Variants in SWT1 observed in about 807,000 individuals in gnomAD.
The protein encoded by SWT1 is transcriptional protein SWT1.
SWT1 carries 33 observed loss-of-function variants against 107.3 expected under a neutral mutation model. That is an observed-to-expected ratio of 0.31 (90% CI 0.23 to 0.41). The LOEUF is 0.41. Among genes scored for constraint, SWT1 ranks in the 10% least tolerant of loss-of-function variants. The pLI is 1.00. For missense variants in SWT1, 898 were observed against 1,028.9 expected (o/e 0.87, Z 1.74); for synonymous variants, 345 against 348.3 (o/e 0.99, Z 0.11).
chr1:185,192,499 G>A (rs1056661373), intron 10 of SWT1, among the ~76,000 whole-genome samples: 14 of 152,072 alleles, frequency 9.2e-5, no homozygotes. Context: ...GCCCAGGCTG[G>A]TCTCAAACTC....
chr1:185,214,776 G>T, intron 14 of SWT1, 121 bp downstream of exon 14: 2 of 779,244 alleles, frequency 2.6e-6, no homozygotes, highest in Non-Finnish European at 1.9e-6. Flanking sequence ...TACTAAAGGC[G>T]TTAAGTAAAT....
intron 16 of SWT1, among the ~76,000 whole-genome samples, chr1:185,252,410 T>G (rs1020158442): frequency 8.8e-4 from 134 of 152,150 alleles, no homozygotes; most frequent in Non-Finnish European, 1.6e-3. Context: ...AGTGTAAAAG[T>G]GTTCCTATTT....
intron 15 of SWT1, among the ~76,000 whole-genome samples, chr1:185,223,834 G>A (rs1659855565): frequency 1.3e-5 from 2 of 152,000 alleles, no homozygotes; most frequent in South Asian, 2.1e-4. Flanking sequence ...AGTGTTCATT[G>A]CTCCCCTCCA....
chr1:185,202,661 A>G lies in SWT1; in HGVS notation c.1531A>G (p.Arg511Gly). The part of the protein sequence containing the change: ...CSFVILCTDD[R>G]NLRNKGLISG... ...CCAACCTCCCAACCTTAGGGATGAT[A>G]GAAACTTAAGAAACAAAGGCCTAAT... Residue 511 changes from arginine to glycine, a missense_variant, in exon 11 of 19, where the codon AGA becomes GGA. By Grantham distance (125) the Arg-to-Gly change is moderately radical. Coordinates refer to ENST00000367500, the MANE Select transcript of SWT1 (RefSeq NM_017673.7). The G allele has an allele frequency of 6.2e-7, 1 of 1,606,212 alleles. No individual in the cohort carries two copies. Among genetic ancestry groups the G allele is most frequent in the Non-Finnish European group, 8.5e-7 (1 of 1,176,872 alleles).
At chr1:185,176,286 CAAAAAAAAAAAA>C (rs71101962) in intron 5 of SWT1, among the ~76,000 whole-genome samples, 31 of 47,302 alleles carry the variant, frequency 6.6e-4, no homozygotes, top group Non-Finnish European at 3.9e-4. Flanking sequence ...ACCTTGTCTC[CAAAAAAAAAAAA>C]AAAAAAAAAA....
chr1:185,187,112 G>A (rs2102396709), intron 9 of SWT1, among the ~76,000 whole-genome samples: 1 of 149,430 alleles, frequency 6.7e-6, no homozygotes, highest in East Asian at 2.0e-4. Flanking sequence ...GAGTGCAATG[G>A]TGTAATCTTA....
At chr1:185,258,224 C>T (rs1391698154) in intron 16 of SWT1, among the ~76,000 whole-genome samples, 1 of 152,142 alleles carries the variant, frequency 6.6e-6, no homozygotes, top group Non-Finnish European at 1.5e-5. Context: ...CAGTATTATT[C>T]AGATCCTGAA....
chr1:185,187,124 C>T (rs1361862060), intron 9 of SWT1, among the ~76,000 whole-genome samples: 2 of 147,914 alleles, frequency 1.4e-5, no homozygotes, highest in Non-Finnish European at 3.0e-5. Context: ...GTAATCTTAG[C>T]TCACTGCAAC....
chr1:185,271,391 T>A lies in SWT1; in HGVS notation c.2508+2T>A. 7.2e-7 allele frequency: 1 copy of A among 1,392,542 alleles called. No individual in the cohort carries two copies. Among genetic ancestry groups the A allele is most frequent in the Non-Finnish European group, 1.0e-6 (1 of 984,264 alleles). The allele number at this position is 1,392,542 out of a possible 1,614,324, so 86.3% of individuals were successfully genotyped here. On this transcript the variant is annotated splice_donor_variant, in intron 17 of 18. Transcript: ENST00000367500. LOFTEE classifies it high-confidence loss of function. Reference sequence around the variant, plus strand: ...TATAACTTCCTAATCAAGTATGAGGTATGGGAAATATTTTAAAATATTTAT... The same window carrying A: ...TATAACTTCCTAATCAAGTATGAGGAATGGGAAATATTTTAAAATATTTAT...
chr1:185,240,150 G>T (rs1661165784), intron 16 of SWT1, among the ~76,000 whole-genome samples: 1 of 152,002 alleles, frequency 6.6e-6, no homozygotes, highest in Non-Finnish European at 1.5e-5. Flanking sequence ...CTAAGAAGGA[G>T]GGTGAAGGTG....
chr1:185,279,198 G>A (rs1220139112), intron 18 of SWT1, among the ~76,000 whole-genome samples: 2 of 152,150 alleles, frequency 1.3e-5, no homozygotes, highest in Non-Finnish European at 2.9e-5. Context: ...TGTGAGATGT[G>A]TCAAAAATAT....
chr1:185,241,084 G>C, intron 16 of SWT1, among the ~76,000 whole-genome samples: 1 of 152,072 alleles, frequency 6.6e-6, no homozygotes, highest in East Asian at 1.9e-4. Context: ...AGGTTATTTA[G>C]AATAGGTCAT....
chr1:185,283,838 TCACA>T (rs1206845992), intron 18 of SWT1, among the ~76,000 whole-genome samples: 1 of 152,082 alleles, frequency 6.6e-6, no homozygotes, highest in Admixed American at 6.6e-5. Flanking sequence ...TAAGATTCCA[TCACA>T]CACACACATA....
chr1:185,209,319 G>T lies in SWT1; in HGVS notation c.1972+2556G>T, dbSNP rs189050741. On this transcript the variant is annotated intron_variant, in intron 13 of 18. Coordinates refer to ENST00000367500, the MANE Select transcript of SWT1 (RefSeq NM_017673.7). ...AGGTATACACGTTCCATGGGGGTTT[G>T]CTGCACCCATCAACCCATCATCTAC... Among the ~76,000 whole-genome samples, 255 of 152,182 alleles carry T rather than the reference G, an allele frequency of 1.7e-3. 2 individuals carry two copies. Among genetic ancestry groups the T allele is most frequent in the Admixed American group, 4.1e-3 (62 of 15,278 alleles).
At chr1:185,228,545 A>G (rs1467472249) in intron 15 of SWT1, among the ~76,000 whole-genome samples, 1 of 152,144 alleles carries the variant, frequency 6.6e-6, no homozygotes, top group Non-Finnish European at 1.5e-5. Flanking sequence ...TTTTCAAGTG[A>G]AGGACCTCTA....
intron 18 of SWT1, among the ~76,000 whole-genome samples, chr1:185,279,046 T>C (rs1664441721): frequency 1.3e-5 from 2 of 152,228 alleles, no homozygotes; most frequent in South Asian, 4.1e-4. Flanking sequence ...AATAAGTTTT[T>C]CAAGAAAATC....
intron 5 of SWT1, 50 bp from the exon 6 acceptor site, chr1:185,180,341 C>T (rs771106290): frequency 3.4e-6 from 5 of 1,457,334 alleles, no homozygotes; most frequent in Non-Finnish European, 4.8e-6. Context: ...TTGAAAAACC[C>T]TATTTAGGTT....
intron 16 of SWT1, among the ~76,000 whole-genome samples, chr1:185,260,242 T>C (rs1456116962): frequency 3.3e-5 from 5 of 151,994 alleles, no homozygotes; most frequent in Non-Finnish European, 7.4e-5. Context: ...CTGGAAAGGA[T>C]TGGAGAACAA....
At chr1:185,165,325 A>G (rs1654477617) in intron 2 of SWT1, among the ~76,000 whole-genome samples, 1 of 152,202 alleles carries the variant, frequency 6.6e-6, no homozygotes, top group South Asian at 2.1e-4. Context: ...CAGAGACATG[A>G]AGTGAGCACA....
Sources: gnomAD v4.1 joint callset for allele counts (sites outside exome capture counted in the v4.1 genomes callset) on GRCh38, gnomAD v4.1.1 for gene constraint, MANE v1.5 for transcripts, NCBI Gene and HGNC (gene_info 2026-07-23, HGNC 2026-07-21) for gene names.